The following PAWR variants were observed in gnomAD, a reference collection of about 807,000 sequenced individuals.
PAWR encodes pro-apoptotic WT1 regulator, also known as PRKC apoptosis WT1 regulator protein.
PAWR carries 23 observed loss-of-function variants against 32.0 expected under a neutral mutation model. The ratio of observed to expected loss-of-function variants is 0.72; its 90% CI spans 0.52 to 1.02. The LOEUF (loss-of-function observed/expected upper bound fraction) is 1.02. Ranked by LOEUF, PAWR falls within the 50% of genes least tolerant of loss-of-function variation. The pLI is 0.00. For synonymous variants in PAWR, 226 were observed against 187.1 expected, an observed-to-expected ratio of 1.21 and a Z score of -1.70; for missense variants, 457 against 437.7, an observed-to-expected ratio of 1.04 and a Z score of -0.39.
chr12:79,617,039 G>A (rs899388993), intron 3 of PAWR, among the ~76,000 whole-genome samples: 13 of 152,168 alleles, frequency 8.5e-5, no homozygotes, highest in African/African-American at 2.9e-4. Context: ...TATACATTTT[G>A]AAGCTGAATG....
chr12:79,638,863 CATATATATATAT>C (rs1555237600), intron 2 of PAWR, among the ~76,000 whole-genome samples: 6 of 8,148 alleles, frequency 7.4e-4, no homozygotes, highest in South Asian at 8.2e-3. Flanking sequence ...GAGATGGAGT[CATATATATATAT>C]ATATATATAT....
rs1430913327 is a variant in PAWR at position 79,586,964 on chromosome 12, T to C, written c.*5643A>G. The C allele has an allele frequency of 6.6e-6, 1 of 152,126 alleles. No homozygotes were observed. Among genetic ancestry groups the C allele is most frequent in the African/African-American group, 2.4e-5 (1 of 41,448 alleles). The allele number at this position is 152,126 out of a possible 1,614,324, so 9.4% of individuals were successfully genotyped here. The stretch of plus-strand genomic sequence containing the variant: ...TTTTAAGAGTTGACCAGGAATGAAA[T>C]GTAACCTCTTTTAAAGATGAAGAAA... On this transcript the variant is annotated 3_prime_UTR_variant, in exon 7 of 7. Transcript: ENST00000328827.
At chr12:79,613,081 C>T (rs1424183774) in intron 4 of PAWR, among the ~76,000 whole-genome samples, 8 of 152,162 alleles carry the variant, frequency 5.3e-5, no homozygotes, top group Non-Finnish European at 1.2e-4. Flanking sequence ...AGCTTACTTT[C>T]CCTCTTCCTC....
intron 2 of PAWR, among the ~76,000 whole-genome samples, chr12:79,629,277 T>G (rs562828953): frequency 6.6e-6 from 1 of 152,048 alleles, no homozygotes; most frequent in East Asian, 1.9e-4. Flanking sequence ...ATGACACAAA[T>G]AGGTTCCAAG....
chr12:79,599,015 A>G (rs1873866120), intron 4 of PAWR, among the ~76,000 whole-genome samples: 1 of 152,234 alleles, frequency 6.6e-6, no homozygotes, highest in African/African-American at 2.4e-5. Context: ...GATTACAGGC[A>G]TGAGCCACTG....
chr12:79,658,769 T>C (rs1278678424), intron 2 of PAWR, among the ~76,000 whole-genome samples: 1 of 151,824 alleles, frequency 6.6e-6, no homozygotes, highest in East Asian at 1.9e-4. Context: ...ATTCAAGCGA[T>C]TCTCCTGCCT....
intron 4 of PAWR, chr12:79,604,532 T>C: frequency 8.5e-7 from 1 of 1,173,410 alleles, no homozygotes; most frequent in South Asian, 1.7e-5. Flanking sequence ...GACTCAAGGG[T>C]AAATCCTACT....
chr12:79,596,073 A>G (rs1270959650), intron 5 of PAWR, among the ~76,000 whole-genome samples: 2 of 152,208 alleles, frequency 1.3e-5, no homozygotes, highest in African/African-American at 4.8e-5. Context: ...CAACAATTAC[A>G]AAAGTATTCA....
intron 4 of PAWR, among the ~76,000 whole-genome samples, chr12:79,606,028 T>G (rs1422690114): frequency 6.6e-6 from 1 of 152,010 alleles, no homozygotes; most frequent in African/African-American, 2.4e-5. Flanking sequence ...GAGCCGAGAT[T>G]GCACCACTGC....
intron 2 of PAWR, among the ~76,000 whole-genome samples, chr12:79,637,199 A>G (rs1876001568): frequency 6.6e-6 from 1 of 152,154 alleles, no homozygotes; most frequent in Non-Finnish European, 1.5e-5. Context: ...TGGGCAGGGC[A>G]GTCTATTTGG....
chr12:79,690,065 G>T lies in PAWR; in HGVS notation c.180C>A (p.Thr60=). The T allele has an allele frequency of 1.5e-6, 2 of 1,377,172 alleles. No homozygotes were observed. Among genetic ancestry groups the T allele is most frequent in the Non-Finnish European group, 1.9e-6 (2 of 1,075,666 alleles). 85.3% of individuals were successfully genotyped at this position (1,377,172 alleles called of 1,614,324 possible). ...GCTCGTTGGCAGCGGCGGCCGCCGGGGTGCCCAGAGCCCCCGCGGGGGGCT... is the reference window on the plus strand; with the variant it reads ...GCTCGTTGGCAGCGGCGGCCGCCGGTGTGCCCAGAGCCCCCGCGGGGGGCT... ...AGKPPAGALG[T]PAAAAANELN... Residue 60 remains threonine (T), a synonymous_variant, in exon 2 of 7, where the codon ACC becomes ACA. Coordinates refer to ENST00000328827, the MANE Select transcript of PAWR (RefSeq NM_002583.4).
chr12:79,689,673 C>T, intron 2 of PAWR, 56 bp downstream of exon 2: 2 of 1,516,068 alleles, frequency 1.3e-6, no homozygotes, highest in South Asian at 1.2e-5. Flanking sequence ...GAGGAAGACA[C>T]CGGGAGGCAG....
At chr12:79,604,578 T>C (rs1234704650) in intron 4 of PAWR, 3 of 1,274,752 alleles carry the variant, frequency 2.4e-6, no homozygotes, top group Non-Finnish European at 3.1e-6. Context: ...AAGTACAGGA[T>C]ATATTCTGAA....
At chr12:79,656,511 T>C (rs1256715249) in intron 2 of PAWR, among the ~76,000 whole-genome samples, 1 of 152,082 alleles carries the variant, frequency 6.6e-6, no homozygotes, top group Non-Finnish European at 1.5e-5. Flanking sequence ...TTGGAAAAAC[T>C]AGGTAGATGG....
At chr12:79,602,278 A>G (rs570780610) in intron 4 of PAWR, among the ~76,000 whole-genome samples, 1 of 152,208 alleles carries the variant, frequency 6.6e-6, no homozygotes, top group South Asian at 2.1e-4. Context: ...TAAAAGTTCC[A>G]ATATTTTCCT....
At position 79,591,581 on chromosome 12, in the gene PAWR, A is replaced by G. The variant is rs775829852; in HGVS notation, c.*1026T>C. 5 of 152,162 alleles carry G rather than the reference A, an allele frequency of 3.3e-5. No homozygotes were observed. Among genetic ancestry groups the G allele is most frequent in the Non-Finnish European group, 7.4e-5 (5 of 68,014 alleles). 9.4% of individuals were successfully genotyped at this position (152,162 alleles called of 1,614,324 possible). A position where few individuals can be genotyped will look rare whatever the true frequency, so the allele number is the denominator to read the frequency against. ...AAGTAACTCTGTTTTTAAAATTTCAATGTTAGGAAGAAAATCCCTTAAATT... is the reference window on the plus strand; with the variant it reads ...AAGTAACTCTGTTTTTAAAATTTCAGTGTTAGGAAGAAAATCCCTTAAATT... On this transcript the variant is annotated 3_prime_UTR_variant, in exon 7 of 7. Transcript: ENST00000328827.
chr12:79,668,506 C>A (rs561082484), intron 2 of PAWR: 5 of 152,298 alleles, frequency 3.3e-5, no homozygotes, highest in African/African-American at 1.2e-4. Flanking sequence ...TCATGGGACA[C>A]AATTTTTCCA....
rs1213426936 is a variant in PAWR, at chr12:79,590,342, C to A, written c.*2265G>T. ...TCAGCCTCCTGAGTAGCCAGGATTA[C>A]AGGCATGCGCCACCACACCTGGCTA... On this transcript the variant is annotated 3_prime_UTR_variant, in exon 7 of 7. Coordinates refer to ENST00000328827, the MANE Select transcript of PAWR (RefSeq NM_002583.4). The A allele has an allele frequency of 6.6e-6, 1 of 152,082 alleles. No homozygotes were observed. Among genetic ancestry groups the A allele is most frequent in the Admixed American group, 6.6e-5 (1 of 15,250 alleles). 9.4% of individuals were successfully genotyped at this position (152,082 alleles called of 1,614,324 possible).
chr12:79,654,142 G>C (rs1420643724), intron 2 of PAWR, among the ~76,000 whole-genome samples: 1 of 152,174 alleles, frequency 6.6e-6, no homozygotes, highest in Non-Finnish European at 1.5e-5. Flanking sequence ...TGGTCCTTAA[G>C]AGACAGGGAA....
Sources: allele counts gnomAD v4.1 joint callset (sites outside exome capture counted in the v4.1 genomes callset), GRCh38; gene constraint gnomAD v4.1.1; transcripts MANE v1.5; gene names NCBI Gene and HGNC (gene_info 2026-07-23, HGNC 2026-07-21).